Variants in IGF1R observed in about 807,000 individuals in gnomAD.
IGF1R encodes insulin-like growth factor 1 receptor.
In IGF1R, 44 loss-of-function variants were observed where a neutral mutation model predicts 144.6. That is an observed-to-expected ratio of 0.30 (90% confidence interval 0.24 to 0.39). The LOEUF is 0.39. IGF1R is among the 10% of genes least tolerant of loss of function. IGF1R has a pLI of 1.00. For synonymous variants in IGF1R, 795 were observed against 722.8 expected, an observed-to-expected ratio of 1.10 and a Z score of -1.60; for missense variants, 1,355 against 1,833.7, an observed-to-expected ratio of 0.74 and a Z score of 4.77.
chr15:98,913,473 C>G (rs764691562), intron 8 of IGF1R, among the ~76,000 whole-genome samples, 191 bp downstream of exon 8: 1 of 152,192 alleles, frequency 6.6e-6, no homozygotes, highest in Non-Finnish European at 1.5e-5. Context: ...TTTCTGGCCT[C>G]GGTACTATCT....
chr15:98,708,394 C>T (rs2053917469), intron 2 of IGF1R, among the ~76,000 whole-genome samples: 1 of 152,196 alleles, frequency 6.6e-6, no homozygotes. Context: ...CAGCACACTC[C>T]TGGGCTAGAC....
intron 2 of IGF1R, among the ~76,000 whole-genome samples, chr15:98,796,991 C>T (rs973942538): frequency 6.6e-6 from 1 of 152,172 alleles, no homozygotes; most frequent in South Asian, 2.1e-4. Context: ...GCCTGTTCCC[C>T]CCTCATTTGG....
intron 2 of IGF1R, among the ~76,000 whole-genome samples, chr15:98,867,988 G>T (rs1232897788): frequency 6.6e-6 from 1 of 152,172 alleles, no homozygotes; most frequent in Non-Finnish European, 1.5e-5. Flanking sequence ...ATCGCTTGAG[G>T]TCGGGAGTTC....
intron 2 of IGF1R, among the ~76,000 whole-genome samples, chr15:98,742,630 T>C (rs1016736207): frequency 6.6e-6 from 1 of 152,232 alleles, no homozygotes; most frequent in Non-Finnish European, 1.5e-5. Context: ...GCATACAATT[T>C]GCTGAAGTTC....
intron 2 of IGF1R, among the ~76,000 whole-genome samples, chr15:98,808,756 T>C (rs546157831): frequency 1.3e-5 from 2 of 151,128 alleles, no homozygotes; most frequent in Non-Finnish European, 2.9e-5. Context: ...CATAGCCCAC[T>C]GCAAGCTCAA....
chr15:98,714,554 G>A (rs1356608101), intron 2 of IGF1R, among the ~76,000 whole-genome samples: 1 of 152,062 alleles, frequency 6.6e-6, no homozygotes. Context: ...GCTGAGATGG[G>A]AGGATCCGCC....
rs1186193317 is a variant in IGF1R, at chr15:98,963,082, CTAAT to C, written c.*5644_*5647del. 5 of 233,338 alleles carry C rather than the reference CTAAT, an allele frequency of 2.1e-5. No individual in the cohort carries two copies. In the South Asian group the frequency reaches 5.4e-4, roughly 25 times the overall value. 14.5% of individuals were successfully genotyped at this position (233,338 alleles called of 1,614,324 possible). ...TTGACGAAGATCTGGTTTACAAGAACTAATTAAATGTTTCATTGCATTTTTGTAA... is the reference window on the plus strand; with the variant it reads ...TTGACGAAGATCTGGTTTACAAGAACTAAATGTTTCATTGCATTTTTGTAA... On this transcript the variant is annotated 3_prime_UTR_variant, in exon 21 of 21. Coordinates refer to ENST00000650285, the MANE Select transcript of IGF1R (RefSeq NM_000875.5).
intron 2 of IGF1R, among the ~76,000 whole-genome samples, chr15:98,767,060 C>T (rs2141364109): frequency 6.6e-6 from 1 of 152,226 alleles, no homozygotes; most frequent in South Asian, 2.1e-4. Flanking sequence ...ACCTTCTGAA[C>T]TTTTAGAAAT....
chr15:98,738,881 G>T (rs2054672482), intron 2 of IGF1R, among the ~76,000 whole-genome samples: 1 of 152,112 alleles, frequency 6.6e-6, no homozygotes, highest in Admixed American at 6.5e-5. Context: ...TCGTCAAAAT[G>T]CTTTTGCACA....
chr15:98,910,443 A>G (rs923608812), intron 6 of IGF1R, among the ~76,000 whole-genome samples: 9 of 152,178 alleles, frequency 5.9e-5, no homozygotes, highest in African/African-American at 1.2e-4. Flanking sequence ...ATTTTGTCCT[A>G]AAGACTTCTT....
intron 10 of IGF1R, among the ~76,000 whole-genome samples, chr15:98,921,754 C>G (rs34222688): frequency 0.069 from 10,557 of 152,228 alleles, 412 homozygotes; most frequent in African/African-American, 0.1. Context: ...CCCCTCCTGC[C>G]CTAATAAATC....
At chr15:98,664,327 G>T (rs73473439) in intron 1 of IGF1R, among the ~76,000 whole-genome samples, 24,684 of 151,970 alleles carry the variant, frequency 0.16, 4,342 homozygotes, top group African/African-American at 0.44. Flanking sequence ...GCACGTTATT[G>T]ACCCTCTCTG....
chr15:98,906,678 G>T (rs2014747080), intron 5 of IGF1R, among the ~76,000 whole-genome samples: 1 of 152,232 alleles, frequency 6.6e-6, no homozygotes, highest in South Asian at 2.1e-4. Context: ...ACCAGATCTG[G>T]GATCATTTGG....
rs750332905 is a variant in IGF1R, at chr15:98,924,534, G to A, written c.2632G>A (p.Glu878Lys). Reference sequence around the variant, plus strand: ...TGTTTTATTTCCCCAGGATCAGCGAGAATGTGTGTCCAGACAGGAATACAG... The same window carrying A: ...TGTTTTATTTCCCCAGGATCAGCGAAAATGTGTGTCCAGACAGGAATACAG... ...KYGSQVEDQR[E>K]CVSRQEYRKY... The change falls in exon 13 of 21, where the codon GAA becomes AAA. Residue 878 changes from glutamate to lysine, a missense_variant. Physicochemically the swap from Glu to Lys is moderately conservative, Grantham distance 56 (BLOSUM62 1). Coordinates refer to ENST00000650285, the MANE Select transcript of IGF1R (RefSeq NM_000875.5). 5.0e-5 allele frequency: 81 copies of A among 1,614,056 alleles called. No homozygotes were observed. Among genetic ancestry groups the A allele is most frequent in the Non-Finnish European group, 6.4e-5 (75 of 1,180,008 alleles).
intron 2 of IGF1R, among the ~76,000 whole-genome samples, chr15:98,818,197 A>G (rs1023370223): frequency 1.3e-5 from 2 of 152,134 alleles, no homozygotes; most frequent in Non-Finnish European, 2.9e-5. Flanking sequence ...CCTACATATG[A>G]ATTGGCAGGG....
At chr15:98,778,769 G>A (rs1361090436) in intron 2 of IGF1R, among the ~76,000 whole-genome samples, 1 of 152,210 alleles carries the variant, frequency 6.6e-6, no homozygotes, top group Non-Finnish European at 1.5e-5. Flanking sequence ...GGTGCTAGTG[G>A]CCTTGAAGTG....
intron 1 of IGF1R, among the ~76,000 whole-genome samples, chr15:98,675,507 C>T (rs927802391): frequency 5.3e-5 from 8 of 152,152 alleles, no homozygotes; most frequent in African/African-American, 1.9e-4. Flanking sequence ...CATCCATACT[C>T]CACCAGAATT....
chr15:98,840,728 T>G (rs1207639635), intron 2 of IGF1R, among the ~76,000 whole-genome samples: 1 of 149,634 alleles, frequency 6.7e-6, no homozygotes, highest in Admixed American at 6.7e-5. Context: ...GAGGTTGGAG[T>G]GCAGTGGTGC....
At chr15:98,698,394 A>G (rs533029882) in intron 1 of IGF1R, among the ~76,000 whole-genome samples, 7 of 152,262 alleles carry the variant, frequency 4.6e-5, no homozygotes, top group South Asian at 2.1e-4. Flanking sequence ...CTGCTGTCCA[A>G]TCAATCTCTA....
Sources: allele counts gnomAD v4.1 joint callset (sites outside exome capture counted in the v4.1 genomes callset), GRCh38; gene constraint gnomAD v4.1.1; transcripts MANE v1.5; gene names NCBI Gene and HGNC (gene_info 2026-07-23, HGNC 2026-07-21).